The following SH2B2 variants were observed in gnomAD, a reference collection of about 807,000 sequenced individuals.
SH2B2 encodes SH2B adapter protein 2.
A neutral mutation model predicts 35.7 loss-of-function variants in SH2B2; 37 were observed. The ratio of observed to expected loss-of-function variants is 1.04; its 90% CI spans 0.80 to 1.36. The LOEUF (loss-of-function observed/expected upper bound fraction) is 1.36, where lower values mean the gene tolerates loss of function less well. Among genes scored for constraint, SH2B2 ranks in the 40% most tolerant of loss-of-function variants. The pLI is 0.00. For synonymous variants in SH2B2, 383 were observed against 376.4 expected (o/e 1.02, Z -0.20); for missense variants, 852 against 817.7 (o/e 1.04, Z -0.51).
At chr7:102,288,001 C>T (rs1693340271) in intron 1 of SH2B2, among the ~76,000 whole-genome samples, 1 of 152,192 alleles carries the variant, frequency 6.6e-6, no homozygotes, top group Non-Finnish European at 1.5e-5. Flanking sequence ...TGGAGCCCTA[C>T]CAATGCCCCC....
chr7:102,316,133 C>T (rs1047991214), intron 6 of SH2B2, among the ~76,000 whole-genome samples: 3 of 151,746 alleles, frequency 2.0e-5, no homozygotes, highest in African/African-American at 7.3e-5. Context: ...AAAAATTAGC[C>T]AGGCATTGTG....
chr7:102,319,855 C>T (rs1161161674), intron 7 of SH2B2, among the ~76,000 whole-genome samples: 2 of 151,902 alleles, frequency 1.3e-5, no homozygotes, highest in Non-Finnish European at 2.9e-5. Context: ...CCCAGCCAGC[C>T]CTGGGGAGCT....
chr7:102,319,460 G>A (rs1554557777), intron 7 of SH2B2, among the ~76,000 whole-genome samples: 1 of 152,050 alleles, frequency 6.6e-6, no homozygotes, highest in African/African-American at 2.4e-5. Flanking sequence ...GGCTGGTCTT[G>A]AACTCCTGAC....
chr7:102,318,085 C>T (rs969737439), intron 7 of SH2B2, among the ~76,000 whole-genome samples: 2 of 152,036 alleles, frequency 1.3e-5, no homozygotes, highest in Non-Finnish European at 2.9e-5. Context: ...TACACCCAGG[C>T]GGTGTGCTTT....
chr7:102,304,971 C>T (rs1227180002), intron 2 of SH2B2, among the ~76,000 whole-genome samples: 1 of 152,250 alleles, frequency 6.6e-6, no homozygotes, highest in Non-Finnish European at 1.5e-5. Flanking sequence ...CTCACTCAGG[C>T]CAGCCCCAAG....
chr7:102,308,888 A>G lies in SH2B2; in HGVS notation c.905A>G (p.Gln302Arg). Residue 302 changes from glutamine (Q) to arginine (R), a missense_variant, in exon 4 of 9, where the codon CAG becomes CGG. Gln to Arg is a conservative substitution (Grantham distance 43). Around this residue, in one of 3 missense-constraint regions of SH2B2, gnomAD observed 556 missense variants for 514.5 expected, o/e 1.08. Coordinates refer to ENST00000444095, the MANE Select transcript of SH2B2 (RefSeq NM_001359228.2). ...AAGCACTCGTGGGTAGCTGACATCC[A>G]GGGCTGCGTGGACCCCGGGTGAGTG... ...LQKHSWVADIQGCVDPGDSEE... is the reference protein window; with the variant it reads ...LQKHSWVADIRGCVDPGDSEE... The G allele has an allele frequency of 6.2e-7, 1 of 1,613,626 alleles. No individual in the cohort carries two copies. Among genetic ancestry groups the G allele is most frequent in the Middle Eastern group, 1.6e-4 (1 of 6,062 alleles).
rs1249216783 is a variant in SH2B2 at position 102,320,436 on chromosome 7, C to G, written c.1501C>G (p.Leu501Val). 1.9e-6 allele frequency: 3 copies of G among 1,613,728 alleles called. No individual in the cohort carries two copies. Among genetic ancestry groups the G allele is most frequent in the Non-Finnish European group, 2.5e-6 (3 of 1,179,890 alleles). The change falls in exon 8 of 9, where the codon CTG (leucine) becomes GTG (valine). Residue 501 changes from leucine (L) to valine (V), a missense_variant. Around this residue, in one of 3 missense-constraint regions of SH2B2, gnomAD observed 556 missense variants for 514.5 expected, o/e 1.08. Coordinates refer to ENST00000444095, the MANE Select transcript of SH2B2 (RefSeq NM_001359228.2). ...CCACTTCCACACACACCCCATCCCA[C>G]TGGAGTCAGGGGGCTCGGCCGACAT... ...LRHFHTHPIPLESGGSADITL... is the reference protein window; with the variant it reads ...LRHFHTHPIPVESGGSADITL...
upstream of SH2B2, among the ~76,000 whole-genome samples, chr7:102,286,464 C>G (rs1792448962): frequency 2.0e-5 from 3 of 152,174 alleles, no homozygotes. Context: ...ACCCGCCACG[C>G]AGGACATTCC....
At chr7:102,294,997 G>A (rs1296279740) in intron 1 of SH2B2, among the ~76,000 whole-genome samples, 1 of 152,116 alleles carries the variant, frequency 6.6e-6, no homozygotes, top group Non-Finnish European at 1.5e-5. Flanking sequence ...GGCCACACCT[G>A]CCATGCCCTT....
intron 1 of SH2B2, among the ~76,000 whole-genome samples, chr7:102,291,475 G>A (rs75951157): frequency 2.3e-3 from 346 of 152,302 alleles, no homozygotes; most frequent in African/African-American, 7.1e-3. Context: ...CACCCATACA[G>A]AGGCATACAA....
chr7:102,313,516 A>G (rs2960262), intron 4 of SH2B2, among the ~76,000 whole-genome samples: 90,809 of 151,978 alleles, frequency 0.6, 27,305 homozygotes, highest in Non-Finnish European at 0.63. Context: ...CAAACTCCTG[A>G]CCTCAAGTGA....
At chr7:102,289,056 C>T (rs535706291) in intron 1 of SH2B2, among the ~76,000 whole-genome samples, 2 of 152,242 alleles carry the variant, frequency 1.3e-5, no homozygotes, top group African/African-American at 4.8e-5. Context: ...GGCTGGGTGC[C>T]GTTTTATGGC....
intron 1 of SH2B2, among the ~76,000 whole-genome samples, chr7:102,287,937 G>C (rs1022056921): frequency 6.6e-6 from 1 of 152,194 alleles, no homozygotes; most frequent in Non-Finnish European, 1.5e-5. Context: ...CAGGATCTAC[G>C]TGCACTTCGA....
At position 102,300,857 on chromosome 7, in the gene SH2B2, G is replaced by C. The variant is rs1225897763; in HGVS notation, c.307G>C (p.Asp103His). ...SAEAMEPELA[D>H]TSALKAAPYG... is the part of the protein sequence containing the mutation. ...AGAGGCCATGGAGCCGGAGCTCGCG[G>C]ACACCTCTGCACTCAAGGCGGCGCC... The change falls in exon 2 of 9, where the codon GAC becomes CAC. Residue 103 changes from aspartate (D) to histidine (H), a missense_variant. Physicochemically the swap from Asp to His is moderately conservative, Grantham distance 81. Coordinates refer to ENST00000444095, the MANE Select transcript of SH2B2 (RefSeq NM_001359228.2). 1 of 1,461,748 alleles carries C rather than the reference G, an allele frequency of 6.8e-7. No homozygotes were observed. Among genetic ancestry groups the C allele is most frequent in the Non-Finnish European group, 9.0e-7 (1 of 1,107,218 alleles). The allele number at this position is 1,461,748 out of a possible 1,614,324, so 90.5% of individuals were successfully genotyped here.
chr7:102,316,597 A>C (rs1163827822), intron 6 of SH2B2, among the ~76,000 whole-genome samples: 1 of 151,284 alleles, frequency 6.6e-6, no homozygotes. Context: ...AAACAAAAAA[A>C]TATTCAGGCC....
chr7:102,299,783 AC>A (rs1229443545), intron 1 of SH2B2, among the ~76,000 whole-genome samples: 1 of 152,004 alleles, frequency 6.6e-6, no homozygotes, highest in Middle Eastern at 3.4e-3. Context: ...GCTCATGGGG[AC>A]CCCACTTGAA....
intron 2 of SH2B2, among the ~76,000 whole-genome samples, chr7:102,303,139 C>T (rs1285498386): frequency 6.6e-6 from 1 of 151,894 alleles, no homozygotes; most frequent in African/African-American, 2.4e-5. Flanking sequence ...ATCACTTCAA[C>T]CCAGGAGGCA....
chr7:102,320,195 T>C, intron 7 of SH2B2, 136 bp from the exon 8 acceptor site: 1 of 667,760 alleles, frequency 1.5e-6, no homozygotes. Context: ...ATGGGGCTCA[T>C]GTGTGAGGGG....
chr7:102,317,456 G>A, intron 7 of SH2B2, 61 bp downstream of exon 7: 3 of 1,403,798 alleles, frequency 2.1e-6, no homozygotes, highest in Non-Finnish European at 2.9e-6. Flanking sequence ...AGGGGTCATG[G>A]TGACCCCGGT....
Sources: allele counts gnomAD v4.1 joint callset (sites outside exome capture counted in the v4.1 genomes callset), GRCh38; gene constraint gnomAD v4.1.1; regional missense constraint gnomAD v4.1.1; transcripts MANE v1.5; gene names NCBI Gene and HGNC (gene_info 2026-07-23, HGNC 2026-07-21).